Variants in GRM1 observed in about 807,000 individuals in gnomAD.
GRM1 encodes the protein metabotropic glutamate receptor 1.
GRM1 carries 33 observed loss-of-function variants against 90.9 expected under a neutral mutation model. The observed-to-expected ratio is 0.36, with a 90% CI of 0.28 to 0.49. The LOEUF (loss-of-function observed/expected upper bound fraction) is 0.49, where lower values mean the gene tolerates loss of function less well. Among genes scored for constraint, GRM1 ranks in the 20% least tolerant of loss-of-function variants. GRM1 has a pLI of 0.99. For synonymous variants in GRM1, 700 were observed against 613.2 expected, an observed-to-expected ratio of 1.14 and a Z score of -2.09; for missense variants, 1,190 against 1,534.3, an observed-to-expected ratio of 0.78 and a Z score of 3.75.
At chr6:146,392,790 G>T (rs1020405474) in intron 6 of GRM1, among the ~76,000 whole-genome samples, 1 of 152,094 alleles carries the variant, frequency 6.6e-6, no homozygotes, top group Non-Finnish European at 1.5e-5. Context: ...GCAATGTTTG[G>T]TTTTCTGTTC....
chr6:146,390,583 AT>A (rs1169792113), intron 6 of GRM1, among the ~76,000 whole-genome samples: 1 of 151,838 alleles, frequency 6.6e-6, no homozygotes, highest in Non-Finnish European at 1.5e-5. Context: ...ACATTTTCTC[AT>A]TAAAAAAAAA....
chr6:146,422,781 T>C (rs529034592), intron 7 of GRM1, among the ~76,000 whole-genome samples: 1 of 152,310 alleles, frequency 6.6e-6, no homozygotes, highest in African/African-American at 2.4e-5. Context: ...CTGAGTTAAG[T>C]ATCTCTCAAA....
chr6:146,279,453 T>C (rs1200920673), intron 2 of GRM1, among the ~76,000 whole-genome samples: 2 of 152,192 alleles, frequency 1.3e-5, no homozygotes, highest in East Asian at 3.8e-4. Flanking sequence ...TTTAGAGATA[T>C]AAAAATTTTT....
chr6:146,081,711 T>C (rs959201127), intron 1 of GRM1, among the ~76,000 whole-genome samples: 1 of 152,292 alleles, frequency 6.6e-6, no homozygotes, highest in Admixed American at 6.5e-5. Flanking sequence ...CATCGATGAA[T>C]TGTACATTAA....
intron 2 of GRM1, among the ~76,000 whole-genome samples, chr6:146,282,858 A>G (rs1205877202): frequency 2.0e-5 from 3 of 152,212 alleles, no homozygotes; most frequent in African/African-American, 4.8e-5. Flanking sequence ...TTCTGTTCTA[A>G]TAGACTGGAT....
chr6:146,184,591 G>A (rs550127004), intron 2 of GRM1, among the ~76,000 whole-genome samples: 204 of 152,218 alleles, frequency 1.3e-3, no homozygotes, highest in Non-Finnish European at 2.0e-3. Context: ...ATTGAGTCCT[G>A]TGGTAAGCAA....
chr6:146,361,797 A>G (rs1356486144), intron 5 of GRM1, among the ~76,000 whole-genome samples: 2 of 152,218 alleles, frequency 1.3e-5, no homozygotes. Flanking sequence ...CCACGGACAC[A>G]TGTTGTTCAA....
chr6:146,241,004 C>A (rs1390800338), intron 2 of GRM1, among the ~76,000 whole-genome samples: 4 of 152,020 alleles, frequency 2.6e-5, no homozygotes, highest in South Asian at 4.2e-4. Flanking sequence ...GGAGGGAAAC[C>A]AGCCTGCAGG....
chr6:146,077,143 G>C (rs77096077), intron 1 of GRM1, among the ~76,000 whole-genome samples: 1 of 152,154 alleles, frequency 6.6e-6, no homozygotes, highest in African/African-American at 2.4e-5. Context: ...TGAAGCTACA[G>C]TATGGAGTGA....
intron 1 of GRM1, among the ~76,000 whole-genome samples, chr6:146,097,638 AT>A (rs1776916367): frequency 6.6e-6 from 1 of 152,082 alleles, no homozygotes; most frequent in African/African-American, 2.4e-5. Flanking sequence ...CCCCCCCTAC[AT>A]TTTCCACAAA....
chr6:146,277,044 G>A (rs1228687017), intron 2 of GRM1, among the ~76,000 whole-genome samples: 1 of 152,164 alleles, frequency 6.6e-6, no homozygotes, highest in Non-Finnish European at 1.5e-5. Flanking sequence ...TGAGGCTGCA[G>A]TTAGCCATGA....
intron 1 of GRM1, among the ~76,000 whole-genome samples, chr6:146,135,350 G>A (rs946795359): frequency 2.0e-5 from 3 of 152,164 alleles, no homozygotes; most frequent in Non-Finnish European, 4.4e-5. Context: ...CACTCCAAAA[G>A]TATTGGCAAA....
rs950442765 is a variant in GRM1, at chr6:146,030,890, G to T, written c.700+673G>T. On this transcript the variant is annotated intron_variant, in intron 1 of 7. Coordinates refer to ENST00000282753, the MANE Select transcript of GRM1 (RefSeq NM_001278064.2). ...CATCCAGATTCCCTCACTCCCCCAAGAATTATCTTGTTTTATGAGAAATAA... is the reference window on the plus strand; with the variant it reads ...CATCCAGATTCCCTCACTCCCCCAATAATTATCTTGTTTTATGAGAAATAA... Among the ~76,000 whole-genome samples the T allele has an allele frequency of 3.9e-5, 6 of 152,182 alleles. No homozygotes were observed. In the East Asian group the frequency reaches 1.2e-3, roughly 29 times the overall value.
Position 146,131,279 on chromosome 6 carries a change from T to C in GRM1, c.701-28069T>C, listed in dbSNP as rs369655435. Among the ~76,000 whole-genome samples the C allele has an allele frequency of 2.4e-3, 359 of 152,136 alleles. 2 individuals carry two copies. The highest frequency in any genetic ancestry group is 8.4e-3 in the African/African-American group (348 of 41,536). Reference sequence around the variant, plus strand: ...AAGTAGAATTTTAGACTTTTTTTCATTTGCTTTATTTCCCGTTTTGTATAA... The same window carrying C: ...AAGTAGAATTTTAGACTTTTTTTCACTTGCTTTATTTCCCGTTTTGTATAA... On this transcript the variant is annotated intron_variant, in intron 1 of 7. Coordinates refer to ENST00000282753, the MANE Select transcript of GRM1 (RefSeq NM_001278064.2).
intron 6 of GRM1, among the ~76,000 whole-genome samples, chr6:146,396,653 CAAAA>C (rs1159541627): frequency 6.6e-6 from 1 of 151,656 alleles, no homozygotes; most frequent in East Asian, 1.9e-4. Context: ...AACACACAAA[CAAAA>C]AAGACCCATA....
chr6:146,147,845 C>T (rs1777169359), intron 1 of GRM1, among the ~76,000 whole-genome samples: 1 of 151,980 alleles, frequency 6.6e-6, no homozygotes, highest in Admixed American at 6.6e-5. Context: ...AAATCTACAT[C>T]TCCCAAACTC....
At chr6:146,054,766 A>G (rs1348942324) in intron 1 of GRM1, among the ~76,000 whole-genome samples, 3 of 152,148 alleles carry the variant, frequency 2.0e-5, no homozygotes, top group Admixed American at 6.6e-5. Context: ...TTTTATAGAA[A>G]GAATAGGACA....
chr6:146,069,112 A>C (rs540542318), intron 1 of GRM1, among the ~76,000 whole-genome samples: 1 of 152,328 alleles, frequency 6.6e-6, no homozygotes, highest in African/African-American at 2.4e-5. Context: ...TTTGAAATAT[A>C]GAGATTATCA....
chr6:146,149,949 T>TG (rs1777260386), intron 1 of GRM1, among the ~76,000 whole-genome samples: 1 of 152,118 alleles, frequency 6.6e-6, no homozygotes, highest in Non-Finnish European at 1.5e-5. Flanking sequence ...TGCCACCACC[T>TG]GGGAACACCG....
Sources: gnomAD v4.1 joint callset for allele counts (sites outside exome capture counted in the v4.1 genomes callset) on GRCh38, gnomAD v4.1.1 for gene constraint, MANE v1.5 for transcripts, NCBI Gene and HGNC (gene_info 2026-07-23, HGNC 2026-07-21) for gene names.